TACC2: variants seen among roughly 807,000 people sequenced by gnomAD.
TACC2 encodes transforming acidic coiled-coil-containing protein 2.
TACC2 carries 137 observed loss-of-function variants against 227.3 expected under a neutral mutation model. The observed-to-expected ratio is 0.60, with a 90% confidence interval of 0.52 to 0.69. TACC2 has a LOEUF of 0.69. TACC2 is among the 30% of genes least tolerant of loss of function. TACC2 has a pLI of 0.00. For missense variants in TACC2, 3,470 were observed against 3,694.4 expected (o/e 0.94, Z 1.57); for synonymous variants, 1,523 against 1,487.5 (o/e 1.02, Z -0.55).
chr10:122,139,900 A>G (rs2090282817), intron 6 of TACC2, among the ~76,000 whole-genome samples: 1 of 152,204 alleles, frequency 6.6e-6, no homozygotes, highest in African/African-American at 2.4e-5. Flanking sequence ...TCCTTGCACA[A>G]GGGCTTAATT....
intron 1 of TACC2, among the ~76,000 whole-genome samples, chr10:122,015,524 C>CAA (rs199874286): frequency 6.6e-6 from 1 of 151,360 alleles, no homozygotes; most frequent in African/African-American, 2.4e-5. Flanking sequence ...AATAAAGAAA[C>CAA]AAAAAAACTC....
At chr10:122,235,734 C>T (rs2141577717) in intron 16 of TACC2, among the ~76,000 whole-genome samples, 1 of 152,302 alleles carries the variant, frequency 6.6e-6, no homozygotes, top group East Asian at 1.9e-4. Context: ...GGTGCCCTTG[C>T]TTCTGGGAGG....
intron 7 of TACC2, among the ~76,000 whole-genome samples, chr10:122,164,397 A>G (rs1383323322): frequency 6.6e-6 from 1 of 152,266 alleles, no homozygotes; most frequent in Admixed American, 6.5e-5. Flanking sequence ...GTTTCCGGGC[A>G]GCTGCGCTTG....
At chr10:122,121,408 C>G (rs1360931678) in intron 5 of TACC2, among the ~76,000 whole-genome samples, 2 of 152,134 alleles carry the variant, frequency 1.3e-5, no homozygotes, top group Non-Finnish European at 2.9e-5. Flanking sequence ...CCGAGAGGAT[C>G]TTTTTCAAGG....
intron 2 of TACC2, among the ~76,000 whole-genome samples, chr10:122,035,698 T>A (rs573028279): frequency 3.3e-5 from 5 of 152,146 alleles, no homozygotes; most frequent in African/African-American, 1.2e-4. Context: ...ATCACCGCCA[T>A]CCATCTCCAG....
At chr10:122,064,619 G>C (rs977522522) in intron 3 of TACC2, among the ~76,000 whole-genome samples, 1 of 152,094 alleles carries the variant, frequency 6.6e-6, no homozygotes, top group Non-Finnish European at 1.5e-5. Flanking sequence ...ACTTACTATC[G>C]TTTACATTAA....
intron 3 of TACC2, among the ~76,000 whole-genome samples, chr10:122,059,538 TG>T (rs2076570396): frequency 6.9e-6 from 1 of 145,544 alleles, no homozygotes; most frequent in Admixed American, 7.3e-5. Flanking sequence ...TACAGACTCA[TG>T]CCCCCTCTCC....
At chr10:122,224,214 G>A (rs1264997462) in intron 11 of TACC2, among the ~76,000 whole-genome samples, 2 of 152,214 alleles carry the variant, frequency 1.3e-5, no homozygotes, top group African/African-American at 4.8e-5. Flanking sequence ...GACTTACAAA[G>A]CTTCTCTTAA....
At chr10:122,090,233 A>G (rs1007829625) in intron 5 of TACC2, among the ~76,000 whole-genome samples, 3 of 151,982 alleles carry the variant, frequency 2.0e-5, no homozygotes, top group African/African-American at 7.2e-5. Context: ...TTTCCAGAAT[A>G]CTTGTGAGGT....
intron 1 of TACC2, among the ~76,000 whole-genome samples, chr10:122,001,689 T>C (rs1954370988): frequency 6.6e-6 from 1 of 152,252 alleles, no homozygotes; most frequent in South Asian, 2.1e-4. Flanking sequence ...AAACTTTTGA[T>C]TTATTTAAAA....
intron 5 of TACC2, among the ~76,000 whole-genome samples, chr10:122,125,475 C>T (rs957479247): frequency 2.0e-5 from 3 of 152,198 alleles, no homozygotes; most frequent in Admixed American, 6.5e-5. Flanking sequence ...GCCAGGATTA[C>T]AGGCATGAGC....
At chr10:122,064,309 C>G (rs1185171144) in intron 3 of TACC2, among the ~76,000 whole-genome samples, 2 of 152,142 alleles carry the variant, frequency 1.3e-5, no homozygotes, top group Non-Finnish European at 2.9e-5. Flanking sequence ...GCACACTTCC[C>G]TCCTCCATAC....
At chr10:122,232,871 C>T (rs936436496) in intron 16 of TACC2, among the ~76,000 whole-genome samples, 1 of 152,282 alleles carries the variant, frequency 6.6e-6, no homozygotes. Flanking sequence ...TATATTTCAG[C>T]GGTAGGTGAC....
At chr10:122,031,174 G>C (rs17550038) in intron 2 of TACC2, among the ~76,000 whole-genome samples, 3,091 of 152,196 alleles carry the variant, frequency 0.02, 47 homozygotes, top group Middle Eastern at 0.044. Flanking sequence ...GCAGAGAAAG[G>C]GATCATTGGC....
rs74158809 is a variant in TACC2, at chr10:122,183,972, G to T, written c.5835-11068G>T. Reference sequence around the variant, plus strand: ...AGCCCAGGTGCCCGCAGGTGATGGGGAATAAATAGGTCCTTCTGAAACCGT... The same window carrying T: ...AGCCCAGGTGCCCGCAGGTGATGGGTAATAAATAGGTCCTTCTGAAACCGT... On this transcript the variant is annotated intron_variant, in intron 7 of 22. Transcript: ENST00000369005. Among the ~76,000 whole-genome samples, 925 of 152,284 alleles carry T rather than the reference G, an allele frequency of 6.1e-3. 5 individuals are homozygous for T. The highest frequency in any genetic ancestry group is 0.021 in the African/African-American group (888 of 41,540).
intron 5 of TACC2, among the ~76,000 whole-genome samples, chr10:122,116,444 A>G (rs373862189): frequency 1.3e-5 from 2 of 152,296 alleles, no homozygotes; most frequent in East Asian, 3.9e-4. Context: ...TTTATAGACA[A>G]AGATCCTATA....
At chr10:122,057,392 G>C (rs1165408250) in intron 3 of TACC2, among the ~76,000 whole-genome samples, 1 of 152,078 alleles carries the variant, frequency 6.6e-6, no homozygotes, top group African/African-American at 2.4e-5. Context: ...CCCGGTGACT[G>C]CCTGGGTGTG....
chr10:122,201,610 G>A (rs1204980892), intron 8 of TACC2, among the ~76,000 whole-genome samples: 6 of 152,206 alleles, frequency 3.9e-5, no homozygotes, highest in African/African-American at 7.2e-5. Context: ...TTCACTTCCC[G>A]TAATGACCTC....
intron 5 of TACC2, among the ~76,000 whole-genome samples, chr10:122,115,100 G>C (rs1210029369): frequency 6.6e-6 from 1 of 152,178 alleles, no homozygotes; most frequent in African/African-American, 2.4e-5. Flanking sequence ...GGTTTTATTC[G>C]GCTTTGTATC....
Sources: allele counts gnomAD v4.1 joint callset (sites outside exome capture counted in the v4.1 genomes callset), GRCh38; gene constraint gnomAD v4.1.1; transcripts MANE v1.5; gene names NCBI Gene and HGNC (gene_info 2026-07-23, HGNC 2026-07-21).